The following NBAS variants were observed in gnomAD, a reference collection of about 807,000 sequenced individuals.
NBAS encodes NAG/BC035112 fusion.
NBAS carries 219 observed loss-of-function variants against 302.5 expected under a neutral mutation model. The ratio of observed to expected loss-of-function variants is 0.72; its 90% CI spans 0.65 to 0.81. The LOEUF is 0.81. Ranked by LOEUF, NBAS falls within the 30% of genes least tolerant of loss-of-function variation. The probability of loss-of-function intolerance (pLI) is 0.00; values close to 1 mark genes in which losing one functional copy is unlikely to be tolerated. For synonymous variants in NBAS, 1,118 were observed against 1,021.6 expected (o/e 1.09, Z -1.80); for missense variants, 2,932 against 2,841.6 (o/e 1.03, Z -0.72).
intron 48 of NBAS, among the ~76,000 whole-genome samples, chr2:15,211,429 A>G (rs1666405714): frequency 6.6e-6 from 1 of 152,224 alleles, no homozygotes; most frequent in African/African-American, 2.4e-5. Flanking sequence ...ATATTTAATG[A>G]ATCTGAGTAA....
intron 45 of NBAS, among the ~76,000 whole-genome samples, chr2:15,237,421 A>G (rs1194857577): frequency 6.6e-6 from 1 of 152,092 alleles, no homozygotes; most frequent in Non-Finnish European, 1.5e-5. Context: ...ATTCCTCTCA[A>G]TAATGAAATT....
chr2:15,512,574 G>A (rs1301070492), intron 9 of NBAS, among the ~76,000 whole-genome samples: 4 of 152,132 alleles, frequency 2.6e-5, no homozygotes, highest in African/African-American at 4.8e-5. Flanking sequence ...AGGTGGCCCC[G>A]AAGTAATCAC....
intron 44 of NBAS, among the ~76,000 whole-genome samples, chr2:15,242,263 T>A (rs1221165990): frequency 6.6e-6 from 1 of 152,116 alleles, no homozygotes; most frequent in Non-Finnish European, 1.5e-5. Context: ...CATTAGAAAA[T>A]TTTCTATTTA....
At chr2:15,536,856 C>T (rs1404015803) in intron 7 of NBAS, among the ~76,000 whole-genome samples, 1 of 152,138 alleles carries the variant, frequency 6.6e-6, no homozygotes, top group Admixed American at 6.6e-5. Context: ...AAAGATAATG[C>T]CACCATTCAG....
the NBAS span, among the ~76,000 whole-genome samples, chr2:14,793,442 A>G: frequency 5.3e-5 from 8 of 152,342 alleles, no homozygotes; most frequent in South Asian, 8.3e-4. Flanking sequence ...ACAGCAGAAT[A>G]TTGATGACAG....
chr2:15,157,177 T>C, the NBAS span, among the ~76,000 whole-genome samples: 1 of 152,146 alleles, frequency 6.6e-6, no homozygotes, highest in Non-Finnish European at 1.5e-5. Context: ...GTCAGCTGTC[T>C]GATGGCGAGG....
the NBAS span, among the ~76,000 whole-genome samples, chr2:14,929,415 G>A: frequency 1.3e-5 from 2 of 152,192 alleles, no homozygotes; most frequent in Non-Finnish European, 2.9e-5. Context: ...GTCTCACTCT[G>A]TCGCCAGGCT....
chr2:14,918,933 C>T, the NBAS span, among the ~76,000 whole-genome samples: 1 of 151,754 alleles, frequency 6.6e-6, no homozygotes, highest in Non-Finnish European at 1.5e-5. Context: ...ATAGGGATGG[C>T]ACAGAGATAT....
chr2:15,291,345 C>T (rs1670296015), intron 41 of NBAS, among the ~76,000 whole-genome samples: 1 of 152,176 alleles, frequency 6.6e-6, no homozygotes, highest in African/African-American at 2.4e-5. Context: ...ACAGGGTTAT[C>T]CTTGAGGATT....
At chr2:14,851,340 T>C in the NBAS span, among the ~76,000 whole-genome samples, 103 of 151,854 alleles carry the variant, frequency 6.8e-4, no homozygotes, top group Middle Eastern at 3.4e-3. Context: ...AAGAAATGGA[T>C]ACATTCCTCG....
At chr2:14,783,628 T>C in the NBAS span, among the ~76,000 whole-genome samples, 5 of 151,860 alleles carry the variant, frequency 3.3e-5, no homozygotes, top group African/African-American at 1.2e-4. Context: ...ATTTCATCCA[T>C]GTCCCTACAA....
At chr2:15,224,505 A>G (rs957474399) in intron 47 of NBAS, among the ~76,000 whole-genome samples, 2 of 152,234 alleles carry the variant, frequency 1.3e-5, no homozygotes, top group African/African-American at 2.4e-5. Flanking sequence ...ACTGAAAGTA[A>G]ACTGGCAACC....
At chr2:15,388,062 A>T (rs1190042280) in intron 28 of NBAS, among the ~76,000 whole-genome samples, 4 of 152,160 alleles carry the variant, frequency 2.6e-5, no homozygotes, top group Admixed American at 1.3e-4. Flanking sequence ...CATTTGCTGG[A>T]ATTTTTATGG....
chr2:15,060,681 T>C, the NBAS span, among the ~76,000 whole-genome samples: 4 of 152,046 alleles, frequency 2.6e-5, no homozygotes, highest in Non-Finnish European at 5.9e-5. Context: ...CTGAGGATCC[T>C]AGATCTACTA....
rs188864641 is a variant in NBAS, at chr2:15,544,807, C to T, written c.380-5451G>A. 1.2e-3 allele frequency among the ~76,000 whole-genome samples: 178 copies of T among 152,140 alleles called. 1 individual carries two copies. The highest frequency in any genetic ancestry group is 1.8e-3 in the Non-Finnish European group (125 of 68,008). On this transcript the variant is annotated intron_variant, in intron 6 of 51. Transcript: ENST00000281513. ...CGGGTGGATAACGAGGTCAGGAGTT[C>T]GAGACCATCCTGTCCAAAATGGTGA...
chr2:15,414,154 C>T (rs74982112), intron 25 of NBAS, among the ~76,000 whole-genome samples: 3,091 of 152,280 alleles, frequency 0.02, 72 homozygotes, highest in East Asian at 0.06. Context: ...TATGAGAAGA[C>T]AGAAAATTTT....
chr2:15,462,849 C>A (rs1306253329), intron 19 of NBAS, among the ~76,000 whole-genome samples: 1 of 151,678 alleles, frequency 6.6e-6, no homozygotes, highest in Non-Finnish European at 1.5e-5. Flanking sequence ...CCTTGAGGAA[C>A]AACATTATTT....
At chr2:15,285,259 A>T (rs939571785) in intron 42 of NBAS, among the ~76,000 whole-genome samples, 4 of 152,336 alleles carry the variant, frequency 2.6e-5, no homozygotes, top group Admixed American at 6.5e-5. Flanking sequence ...TGCTAAAAAT[A>T]GCATTTCTTG....
At chr2:14,944,255 G>A in the NBAS span, among the ~76,000 whole-genome samples, 1 of 152,154 alleles carries the variant, frequency 6.6e-6, no homozygotes, top group African/African-American at 2.4e-5. Flanking sequence ...AGCCGAGATC[G>A]ATCGCACCAC....
Sources: allele counts gnomAD v4.1 joint callset (sites outside exome capture counted in the v4.1 genomes callset), GRCh38; gene constraint gnomAD v4.1.1; transcripts MANE v1.5; gene names NCBI Gene and HGNC (gene_info 2026-07-23, HGNC 2026-07-21).